The following FARP1 variants were observed in gnomAD, a reference collection of about 807,000 sequenced individuals.
FARP1 encodes the protein FERM, ARHGEF and pleckstrin domain-containing protein 1.
FARP1 carries 52 observed loss-of-function variants against 128.8 expected under a neutral mutation model. That is an observed-to-expected ratio of 0.40 (90% CI 0.32 to 0.51). The LOEUF (loss-of-function observed/expected upper bound fraction) is 0.51. Among genes scored for constraint, FARP1 ranks in the 20% least tolerant of loss-of-function variants. The pLI is 0.45. For missense variants in FARP1, 1,333 were observed against 1,367.9 expected, an observed-to-expected ratio of 0.97 and a Z score of 0.40; for synonymous variants, 580 against 551.8, an observed-to-expected ratio of 1.05 and a Z score of -0.72.
rs76419377 is a variant in FARP1, at chr13:98,390,981, G to A, written c.1088+101G>A. The A allele has an allele frequency of 6.2e-6, 5 of 807,832 alleles. No homozygotes were observed. In the Admixed American group the frequency reaches 7.7e-5, roughly 12 times the overall value. The allele number at this position is 807,832 out of a possible 1,614,324, so 50.0% of individuals were successfully genotyped here. The stretch of plus-strand genomic sequence containing the variant: ...ATTTCTTTACCCAGACTTCAGACTT[G>A]ATGTCCCTTGAGTTGTAAATGATAG... On this transcript the variant is annotated intron_variant, in intron 11 of 26. Transcript: ENST00000319562.
intron 16 of FARP1, among the ~76,000 whole-genome samples, chr13:98,412,572 G>T (rs1430497397): frequency 1.3e-5 from 2 of 152,154 alleles, no homozygotes. Flanking sequence ...TTTAAACAAA[G>T]ACATCCAATG....
chr13:98,336,527 C>G (rs920682145), intron 2 of FARP1, among the ~76,000 whole-genome samples: 2 of 152,206 alleles, frequency 1.3e-5, no homozygotes, highest in African/African-American at 4.8e-5. Flanking sequence ...CCGCCTTGGC[C>G]TCCCAAAGTG....
At chr13:98,348,292 A>G (rs1340542006) in intron 3 of FARP1, among the ~76,000 whole-genome samples, 2 of 152,224 alleles carry the variant, frequency 1.3e-5, no homozygotes, top group African/African-American at 4.8e-5. Flanking sequence ...ACTCCACAAC[A>G]GAAGTGTTTT....
chr13:98,297,940 G>GT (rs1429869879), intron 2 of FARP1, among the ~76,000 whole-genome samples: 2 of 152,176 alleles, frequency 1.3e-5, no homozygotes, highest in African/African-American at 4.8e-5. Flanking sequence ...AATTATCCAC[G>GT]TTCCCTGTAT....
Position 98,409,351 on chromosome 13 carries a change from C to G in FARP1, c.1428C>G (p.Gly476=), listed in dbSNP as rs766996086. ...PPQPSTGSLT[G]SPHLSELSVN... ...ATCCCCAAACAGGCTCCCTGACTGG[C>G]AGTCCTCACCTTTCCGAGCTGTCTG... The change falls in exon 14 of 27, where the codon GGC becomes GGG. Residue 476 remains glycine, a synonymous_variant. Transcript: ENST00000319562. 6.2e-7 allele frequency: 1 copy of G among 1,607,690 alleles called. No individual in the cohort carries two copies. Among genetic ancestry groups the G allele is most frequent in the Non-Finnish European group, 8.5e-7 (1 of 1,175,900 alleles).
chr13:98,191,212 C>A lies in FARP1; in HGVS notation c.-23-22008C>A, dbSNP rs549679127. Among the ~76,000 whole-genome samples the A allele has an allele frequency of 7.9e-5, 12 of 152,300 alleles. No individual in the cohort carries two copies. In the South Asian group the frequency reaches 2.5e-3, roughly 32 times the overall value. ...TTTCCAGGAGCTTCAACCTGTAGAA[C>A]CCTTGACCGTACTAACCTTTGAGAA... On this transcript the variant is annotated intron_variant, in intron 1 of 26. Coordinates refer to ENST00000319562, the MANE Select transcript of FARP1 (RefSeq NM_005766.4).
rs11385182 is a variant in FARP1 at position 98,311,852 on chromosome 13, G to GTT, written c.172-31902_172-31901dup. On this transcript the variant is annotated intron_variant, in intron 2 of 26. Transcript: ENST00000319562. The stretch of plus-strand genomic sequence containing the variant: ...GTTTTGTTTTTTTTTGTTGTTTTTT[G>GTT]TTTTTTTTTGAGACGGAGTCTCGCT... Among the ~76,000 whole-genome samples, 985 of 148,402 alleles carry GTT rather than the reference G, an allele frequency of 6.6e-3. 4 individuals carry two copies. Among genetic ancestry groups the GTT allele is most frequent in the Non-Finnish European group, 0.011 (726 of 67,316 alleles).
At position 98,441,569 on chromosome 13, in the gene FARP1, G is replaced by A. The variant is rs553205426; in HGVS notation, c.2796+733G>A. Among the ~76,000 whole-genome samples the A allele has an allele frequency of 7.2e-5, 11 of 152,322 alleles. No homozygotes were observed. In the South Asian group the frequency reaches 2.3e-3, roughly 32 times the overall value. On this transcript the variant is annotated intron_variant, in intron 24 of 26. Coordinates refer to ENST00000319562, the MANE Select transcript of FARP1 (RefSeq NM_005766.4). ...TCTGAGCAGCGTTCCTTGCTCCGGG[G>A]TATGGTGCGGGACCCTTTCTACAGT...
intron 2 of FARP1, among the ~76,000 whole-genome samples, chr13:98,306,756 TCAAG>T (rs1418366007): frequency 1.2e-4 from 18 of 152,270 alleles, no homozygotes; most frequent in Non-Finnish European, 2.9e-5. Flanking sequence ...ACTCCTGGCC[TCAAG>T]CAATCCTCCT....
At chr13:98,224,591 C>T (rs1365949754) in intron 2 of FARP1, among the ~76,000 whole-genome samples, 2 of 146,240 alleles carry the variant, frequency 1.4e-5, no homozygotes, top group African/African-American at 5.1e-5. Flanking sequence ...TACTATCTTA[C>T]AGTGCTGGAG....
intron 2 of FARP1, among the ~76,000 whole-genome samples, chr13:98,300,636 C>G (rs371737852): frequency 6.6e-6 from 1 of 152,202 alleles, no homozygotes; most frequent in Non-Finnish European, 1.5e-5. Flanking sequence ...GGTGAAGCCA[C>G]TTCTCTGCTC....
At chr13:98,270,789 C>G (rs73556869) in intron 2 of FARP1, among the ~76,000 whole-genome samples, 4,472 of 152,220 alleles carry the variant, frequency 0.029, 194 homozygotes, top group African/African-American at 0.097. Flanking sequence ...GGAAACTAAG[C>G]ATGTATATCT....
intron 19 of FARP1, chr13:98,437,952 A>T (rs1466920762): frequency 1.8e-5 from 19 of 1,062,406 alleles, no homozygotes; most frequent in Non-Finnish European, 2.4e-5. Flanking sequence ...CATTGTTTCA[A>T]ATCAACCCTG....
chr13:98,385,578 A>G, intron 7 of FARP1, 89 bp from the exon 8 acceptor site: 2 of 1,444,806 alleles, frequency 1.4e-6, no homozygotes, highest in Non-Finnish European at 1.9e-6. Context: ...ATGCCTTTGT[A>G]TTTCCCAGGA....
chr13:98,396,467 GA>G, intron 13 of FARP1: 4 of 382,336 alleles, frequency 1.0e-5, no homozygotes, highest in Non-Finnish European at 1.9e-5. Context: ...GAGGATGAGT[GA>G]GGAACAGGAG....
chr13:98,260,114 C>G (rs1566804606), intron 2 of FARP1, among the ~76,000 whole-genome samples: 1 of 152,054 alleles, frequency 6.6e-6, no homozygotes, highest in Non-Finnish European at 1.5e-5. Context: ...AATAAGTAAG[C>G]CTTACATTGG....
intron 8 of FARP1, among the ~76,000 whole-genome samples, chr13:98,387,126 C>T (rs1890126450): frequency 6.6e-6 from 1 of 152,066 alleles, no homozygotes; most frequent in South Asian, 2.1e-4. Flanking sequence ...CATGGTGAAA[C>T]CCCGTCTCTA....
At chr13:98,358,934 G>A (rs1888751334) in intron 3 of FARP1, among the ~76,000 whole-genome samples, 1 of 152,152 alleles carries the variant, frequency 6.6e-6, no homozygotes. Flanking sequence ...ACCGCGCACG[G>A]CTCTTTCTTT....
chr13:98,420,491 G>C lies in FARP1; in HGVS notation c.1827-4081G>C, dbSNP rs1435073044. Among the ~76,000 whole-genome samples, 4 of 152,206 alleles carry C rather than the reference G, an allele frequency of 2.6e-5. No homozygotes were observed. In the East Asian group the frequency reaches 7.7e-4, roughly 29 times the overall value. On this transcript the variant is annotated intron_variant, in intron 16 of 26. Coordinates refer to ENST00000319562, the MANE Select transcript of FARP1 (RefSeq NM_005766.4). ...TGTGGTGAACGAAGTTTTGATACGA[G>C]GTCAGGAAGACTTGAAAATTCATGA...
Sources: gnomAD v4.1 joint callset for allele counts (sites outside exome capture counted in the v4.1 genomes callset) on GRCh38, gnomAD v4.1.1 for gene constraint, MANE v1.5 for transcripts, NCBI Gene and HGNC (gene_info 2026-07-23, HGNC 2026-07-21) for gene names.